The following PDCL3 variants were observed in gnomAD, a reference collection of about 807,000 sequenced individuals.
PDCL3 encodes the protein phosducin like 3, also known as phosducin-like protein 3.
A neutral mutation model predicts 26.5 loss-of-function variants in PDCL3; 22 were observed. The observed-to-expected ratio is 0.83, with a 90% CI of 0.59 to 1.19. The LOEUF (loss-of-function observed/expected upper bound fraction) is 1.19, where lower values mean the gene tolerates loss of function less well. Ranked by LOEUF, PDCL3 falls within the 50% of genes most tolerant of loss-of-function variation. The pLI, the probability that PDCL3 is intolerant of heterozygous loss-of-function variation, is 0.00. For missense variants in PDCL3, 246 were observed against 294.1 expected (o/e 0.84, Z 1.20); for synonymous variants, 81 against 104.9 (o/e 0.77, Z 1.39).
At chr2:100,572,019 TTAAATA>T in intron 5 of PDCL3, 1 of 544,108 alleles carries the variant, frequency 1.8e-6, no homozygotes, top group Non-Finnish European at 3.3e-6. Flanking sequence ...CGTGATAGAC[TTAAATA>T]TAAACATTTT....
At chr2:100,563,106 G>A (rs1421683122) in intron 1 of PDCL3, 33 bp downstream of exon 1, 2 of 1,592,450 alleles carry the variant, frequency 1.3e-6, no homozygotes, top group Non-Finnish European at 1.7e-6. Flanking sequence ...TCTGGGGGCT[G>A]CGGCCCGTTC....
chr2:100,569,992 C>A (rs1201419084), intron 4 of PDCL3, among the ~76,000 whole-genome samples: 1 of 152,086 alleles, frequency 6.6e-6, no homozygotes, highest in Non-Finnish European at 1.5e-5. Flanking sequence ...CGCCTATAGT[C>A]CCAGCTACTT....
intron 1 of PDCL3, 141 bp downstream of exon 1, chr2:100,563,214 G>T: frequency 9.2e-7 from 1 of 1,083,392 alleles, no homozygotes; most frequent in Non-Finnish European, 1.3e-6. Context: ...CAGGCCCTGC[G>T]CAGGCGCAGT....
chr2:100,571,868 T>C (rs1675182715), intron 5 of PDCL3, 70 bp downstream of exon 5: 10 of 1,466,002 alleles, frequency 6.8e-6, no homozygotes, highest in Admixed American at 1.7e-5. Context: ...AGAGTGTCTA[T>C]TTCCTGGACT....
intron 1 of PDCL3, among the ~76,000 whole-genome samples, chr2:100,566,263 G>T (rs555925641): frequency 6.6e-6 from 1 of 152,254 alleles, no homozygotes; most frequent in South Asian, 2.1e-4. Flanking sequence ...TATCCGTATT[G>T]ATACTGATCT....
intron 1 of PDCL3, 110 bp from the exon 2 acceptor site, chr2:100,566,393 T>C (rs1025133519): frequency 2.3e-6 from 3 of 1,330,376 alleles, no homozygotes; most frequent in Non-Finnish European, 3.1e-6. Context: ...GTTCACAGAC[T>C]GGTGTGCATT....
chr2:100,563,334 A>G, intron 1 of PDCL3: 1 of 456,808 alleles, frequency 2.2e-6, no homozygotes, highest in Non-Finnish European at 3.8e-6. Context: ...CGCGGTCTCT[A>G]CCCACCCGGG....
intron 5 of PDCL3, 120 bp from the exon 6 acceptor site, chr2:100,576,234 G>A (rs1428739495): frequency 2.6e-6 from 3 of 1,149,672 alleles, no homozygotes; most frequent in Non-Finnish European, 3.7e-6. Context: ...GAGCCATTGT[G>A]CTGGGCCAAA....
intron 3 of PDCL3, 67 bp downstream of exon 3, chr2:100,569,088 G>GCCAC: frequency 7.7e-7 from 1 of 1,299,292 alleles, no homozygotes; most frequent in Non-Finnish European, 1.1e-6. Context: ...TTTTTTTTTT[G>GCCAC]GCGTGGCAAT....
At chr2:100,574,834 G>C (rs1675248676) in intron 5 of PDCL3, among the ~76,000 whole-genome samples, 1 of 152,166 alleles carries the variant, frequency 6.6e-6, no homozygotes, top group African/African-American at 2.4e-5. Flanking sequence ...GAGCACGTTG[G>C]CTGAAGCCTG....
In PDCL3 at chr2:100,566,491, C is replaced by T; in HGVS notation, c.7-12C>T. 6.2e-7 allele frequency: 1 copy of T among 1,611,362 alleles called. No homozygotes were observed. The highest frequency in any genetic ancestry group is 1.3e-5 in the African/African-American group (1 of 74,962). On this transcript the variant is annotated splice_polypyrimidine_tract_variant and intron_variant, in intron 1 of 5. Coordinates refer to ENST00000264254, the MANE Select transcript of PDCL3 (RefSeq NM_024065.5). The stretch of plus-strand genomic sequence containing the variant: ...CTTAGCACTCATGGTAACCTTGGTC[C>T]CGCTCTTCTAGGACCCCAACGCAGA...
At chr2:100,566,876 T>C (rs1254140700) in intron 2 of PDCL3, among the ~76,000 whole-genome samples, 2 of 152,238 alleles carry the variant, frequency 1.3e-5, no homozygotes, top group African/African-American at 4.8e-5. Context: ...CTTTCTGCTT[T>C]CTGGTCTGTG....
intron 1 of PDCL3, among the ~76,000 whole-genome samples, chr2:100,563,954 C>T (rs558655473): frequency 6.6e-6 from 1 of 151,536 alleles, no homozygotes; most frequent in Non-Finnish European, 1.5e-5. Context: ...CTCTGTTGCC[C>T]AGGCTGGAGT....
At chr2:100,574,352 T>G (rs1675238644) in intron 5 of PDCL3, among the ~76,000 whole-genome samples, 1 of 151,982 alleles carries the variant, frequency 6.6e-6, no homozygotes, top group Admixed American at 6.6e-5. Flanking sequence ...TTGTTTTTTT[T>G]TTTTTTTAAG....
At position 100,563,409 on chromosome 2, in the gene PDCL3, C is replaced by T. The variant is rs1020391625; in HGVS notation, c.6+336C>T. 4 of 270,048 alleles carry T rather than the reference C, an allele frequency of 1.5e-5. No homozygotes were observed. The Admixed American group carries it at 1.7e-4, about 11-fold the overall frequency. The allele number at this position is 270,048 out of a possible 1,614,324, so 16.7% of individuals were successfully genotyped here. A position where few individuals can be genotyped will look rare whatever the true frequency, so the allele number is the denominator to read the frequency against. On this transcript the variant is annotated intron_variant, in intron 1 of 5. Coordinates refer to ENST00000264254, the MANE Select transcript of PDCL3 (RefSeq NM_024065.5). ...CCTCCTCTCCTGAACTCCCCTAAGG[C>T]ACACCTGGGCAGAGGTGTTAGGAAG...
rs1175270569 is a variant in PDCL3, at chr2:100,566,483, C to A, written c.7-20C>A. ...ATACTAGACTTAGCACTCATGGTAACCTTGGTCCCGCTCTTCTAGGACCCC... is the reference window on the plus strand; with the variant it reads ...ATACTAGACTTAGCACTCATGGTAAACTTGGTCCCGCTCTTCTAGGACCCC... On this transcript the variant is annotated intron_variant, in intron 1 of 5. Transcript: ENST00000264254. The A allele has an allele frequency of 6.2e-7, 1 of 1,611,302 alleles. No individual in the cohort carries two copies. Among genetic ancestry groups the A allele is most frequent in the Non-Finnish European group, 8.5e-7 (1 of 1,179,470 alleles).
At chr2:100,575,937 T>C (rs1452772795) in intron 5 of PDCL3, among the ~76,000 whole-genome samples, 1 of 152,128 alleles carries the variant, frequency 6.6e-6, no homozygotes, top group Admixed American at 6.6e-5. Flanking sequence ...CTCTGTCGTG[T>C]AGGCTGGAGT....
Position 100,563,004 on chromosome 2 carries a change from A to G in PDCL3, c.-64A>G, listed in dbSNP as rs921916001. The stretch of plus-strand genomic sequence containing the variant: ...CGTGGCGGCGCTGTGCGCGTGCACA[A>G]AAGAGAGCTGAGGGGCGGGGGCGCT... On this transcript the variant is annotated 5_prime_UTR_variant, in exon 1 of 6. Coordinates refer to ENST00000264254, the MANE Select transcript of PDCL3 (RefSeq NM_024065.5). 19 of 1,573,008 alleles carry G rather than the reference A, an allele frequency of 1.2e-5. No individual in the cohort carries two copies. In the Admixed American group the frequency reaches 1.9e-4, roughly 16 times the overall value.
chr2:100,571,854 GGAGA>G, intron 5 of PDCL3, 56 bp downstream of exon 5: 1 of 1,545,312 alleles, frequency 6.5e-7, no homozygotes, highest in Non-Finnish European at 8.9e-7. Flanking sequence ...CATTTCTGTT[GGAGA>G]GAGTGTCTAT....
Sources: allele counts gnomAD v4.1 joint callset (sites outside exome capture counted in the v4.1 genomes callset), GRCh38; gene constraint gnomAD v4.1.1; transcripts MANE v1.5; gene names NCBI Gene and HGNC (gene_info 2026-07-23, HGNC 2026-07-21).